ZZZ3: variants seen among roughly 807,000 people sequenced by gnomAD.
ZZZ3 encodes zinc finger ZZ-type containing 3, also known as ZZ-type zinc finger-containing protein 3.
In ZZZ3, 22 loss-of-function variants were observed where a neutral mutation model predicts 95.2. The ratio of observed to expected loss-of-function variants is 0.23; its 90% CI spans 0.17 to 0.33. The LOEUF (loss-of-function observed/expected upper bound fraction) is 0.33. Ranked by LOEUF, ZZZ3 falls within the 10% of genes least tolerant of loss-of-function variation. The probability of loss-of-function intolerance (pLI) is 1.00; values close to 1 mark genes in which losing one functional copy is unlikely to be tolerated. For missense variants in ZZZ3, 885 were observed against 1,066.5 expected (o/e 0.83, Z 2.37); for synonymous variants, 335 against 358.9 (o/e 0.93, Z 0.75).
At chr1:77,599,202 T>A (rs1664498497) in intron 5 of ZZZ3, among the ~76,000 whole-genome samples, 1 of 152,088 alleles carries the variant, frequency 6.6e-6, no homozygotes, top group African/African-American at 2.4e-5. Flanking sequence ...ATATAAATTT[T>A]AAAATCACAA....
In ZZZ3 at chr1:77,564,315, C is replaced by T. The variant is rs185833141; in HGVS notation, c.*1325G>A. ...AGCACACACTGAGTAAAAATCTTTA[C>T]CATTTTTTACAGGGTTGCTTAAGAT... On this transcript the variant is annotated 3_prime_UTR_variant, in exon 15 of 15. Transcript: ENST00000370801. 5.9e-5 allele frequency: 9 copies of T among 152,230 alleles called. No individual in the cohort carries two copies. Among genetic ancestry groups the T allele is most frequent in the African/African-American group, 2.2e-4 (9 of 41,564 alleles). 9.4% of individuals were successfully genotyped at this position (152,230 alleles called of 1,614,324 possible).
At chr1:77,642,952 T>C (rs1668919460) in intron 1 of ZZZ3, among the ~76,000 whole-genome samples, 1 of 151,828 alleles carries the variant, frequency 6.6e-6, no homozygotes, top group Admixed American at 6.6e-5. Context: ...AGTAACACCA[T>C]AAAAAAATTA....
At chr1:77,656,000 C>G (rs1405107855) in intron 1 of ZZZ3, among the ~76,000 whole-genome samples, 1 of 152,152 alleles carries the variant, frequency 6.6e-6, no homozygotes, top group Non-Finnish European at 1.5e-5. Flanking sequence ...GACATAATCT[C>G]AGCTCTGGAC....
chr1:77,631,775 C>T (rs985219588), intron 5 of ZZZ3, 75 bp downstream of exon 5: 12 of 1,218,460 alleles, frequency 9.8e-6, no homozygotes, highest in South Asian at 3.6e-5. Flanking sequence ...GTAATAAAAA[C>T]ACTACGAATA....
chr1:77,571,012 ATTG>A (rs1369556408), intron 12 of ZZZ3, among the ~76,000 whole-genome samples: 1 of 151,918 alleles, frequency 6.6e-6, no homozygotes, highest in African/African-American at 2.4e-5. Flanking sequence ...ATGTTTGATG[ATTG>A]TTATTACCAT....
chr1:77,648,143 A>C (rs1412436546), intron 1 of ZZZ3, among the ~76,000 whole-genome samples: 1 of 152,002 alleles, frequency 6.6e-6, no homozygotes, highest in Admixed American at 6.6e-5. Flanking sequence ...TGATTGCTTG[A>C]GCCCAGGAGT....
chr1:77,618,560 C>G (rs916313400), intron 5 of ZZZ3, among the ~76,000 whole-genome samples: 1 of 152,154 alleles, frequency 6.6e-6, no homozygotes, highest in Non-Finnish European at 1.5e-5. Flanking sequence ...ATCTTGAATA[C>G]TGACAGGTTA....
intron 5 of ZZZ3, among the ~76,000 whole-genome samples, chr1:77,619,970 C>T (rs1666688422): frequency 6.6e-6 from 1 of 152,032 alleles, no homozygotes; most frequent in Middle Eastern, 3.4e-3. Context: ...ATTTCACCAC[C>T]GATACATCAA....
chr1:77,681,880 C>T (rs1342191167), intron 1 of ZZZ3, among the ~76,000 whole-genome samples: 1 of 123,804 alleles, frequency 8.1e-6, no homozygotes, highest in Non-Finnish European at 1.6e-5. Context: ...GCCTAGGCGA[C>T]AAGAGCGAGA....
intron 12 of ZZZ3, among the ~76,000 whole-genome samples, chr1:77,574,124 A>G (rs1027461854): frequency 6.0e-4 from 89 of 148,332 alleles, no homozygotes; most frequent in South Asian, 1.0e-3. Flanking sequence ...AGATATATAT[A>G]TAGATAGATT....
chr1:77,671,486 T>C (rs918631896), intron 1 of ZZZ3, among the ~76,000 whole-genome samples: 6 of 152,208 alleles, frequency 3.9e-5, no homozygotes, highest in Admixed American at 3.3e-4. Context: ...CATATGAAGA[T>C]AGCACCTCAA....
intron 1 of ZZZ3, among the ~76,000 whole-genome samples, chr1:77,663,395 A>G (rs540919008): frequency 1.3e-5 from 2 of 152,264 alleles, no homozygotes; most frequent in Admixed American, 6.5e-5. Context: ...ACAACTCATT[A>G]CAGCCCTGCA....
intron 1 of ZZZ3, among the ~76,000 whole-genome samples, chr1:77,650,877 T>C (rs1251796914): frequency 6.6e-6 from 1 of 152,172 alleles, no homozygotes; most frequent in Non-Finnish European, 1.5e-5. Flanking sequence ...GATGTTGCTA[T>C]AGATTCTATA....
intron 5 of ZZZ3, among the ~76,000 whole-genome samples, chr1:77,630,867 CACA>C: frequency 6.6e-6 from 1 of 152,266 alleles, no homozygotes; most frequent in South Asian, 2.1e-4. Flanking sequence ...TGGCAATTGT[CACA>C]ACAAAACCAC....
chr1:77,584,158 T>A (rs1239239723), intron 6 of ZZZ3, among the ~76,000 whole-genome samples: 1 of 152,178 alleles, frequency 6.6e-6, no homozygotes, highest in African/African-American at 2.4e-5. Context: ...GTTAATCAAT[T>A]CTGAAGTACT....
intron 5 of ZZZ3, among the ~76,000 whole-genome samples, chr1:77,593,402 C>T (rs1236306933): frequency 6.6e-6 from 1 of 152,068 alleles, no homozygotes; most frequent in African/African-American, 2.4e-5. Flanking sequence ...TAAACACATA[C>T]AAATATCACA....
intron 5 of ZZZ3, among the ~76,000 whole-genome samples, chr1:77,588,662 C>T (rs1304805484): frequency 2.6e-5 from 4 of 152,134 alleles, no homozygotes; most frequent in African/African-American, 9.6e-5. Flanking sequence ...CAATAAATAT[C>T]CTACTTTTAC....
At chr1:77,592,014 T>A (rs752481517) in intron 5 of ZZZ3, among the ~76,000 whole-genome samples, 18 of 152,054 alleles carry the variant, frequency 1.2e-4, no homozygotes, top group African/African-American at 3.6e-4. Context: ...CCAAGATAGA[T>A]AGTCTCTCCC....
intron 1 of ZZZ3, among the ~76,000 whole-genome samples, chr1:77,647,003 G>T (rs1212516671): frequency 6.6e-6 from 1 of 152,150 alleles, no homozygotes; most frequent in African/African-American, 2.4e-5. Context: ...GCTGAGTATT[G>T]ATCAGTAAAA....
Sources: allele counts gnomAD v4.1 joint callset (sites outside exome capture counted in the v4.1 genomes callset), GRCh38; gene constraint gnomAD v4.1.1; transcripts MANE v1.5; gene names NCBI Gene and HGNC (gene_info 2026-07-23, HGNC 2026-07-21).